The following SLC25A40 variants were observed in gnomAD, a reference collection of about 807,000 sequenced individuals.
SLC25A40 encodes solute carrier family 25 member 40, also known as mitochondrial glutathione transporter SLC25A40.
In SLC25A40, 41 loss-of-function variants were observed where a neutral mutation model predicts 46.5. That is an observed-to-expected ratio of 0.88 (90% CI 0.69 to 1.14). SLC25A40 has a LOEUF of 1.14. Ranked by LOEUF, SLC25A40 falls within the 50% of genes most tolerant of loss-of-function variation. The probability of loss-of-function intolerance (pLI) is 0.00; values close to 1 mark genes in which losing one functional copy is unlikely to be tolerated. For missense variants in SLC25A40, 386 were observed against 393.6 expected (o/e 0.98, Z 0.16); for synonymous variants, 126 against 127.5 (o/e 0.99, Z 0.08).
intron 1 of SLC25A40, among the ~76,000 whole-genome samples, chr7:87,863,224 C>G (rs1838735226): frequency 6.6e-6 from 1 of 152,082 alleles, no homozygotes; most frequent in Admixed American, 6.5e-5. Flanking sequence ...TCGGTTGTCT[C>G]CCCACCCAAA....
chr7:87,870,146 ATCT>A (rs1489882015), intron 1 of SLC25A40, among the ~76,000 whole-genome samples: 1 of 151,472 alleles, frequency 6.6e-6, no homozygotes, highest in African/African-American at 2.4e-5. Flanking sequence ...AAATTGGGTC[ATCT>A]TCTTATTGAG....
At chr7:87,843,909 G>A (rs1338618068) in intron 8 of SLC25A40, 46 bp from the exon 9 acceptor site, 1 of 1,483,438 alleles carries the variant, frequency 6.7e-7, no homozygotes, top group South Asian at 1.2e-5. Context: ...GAAATAAAAT[G>A]TGGACTTTAA....
chr7:87,875,669 T>C (rs543393413), intron 1 of SLC25A40, among the ~76,000 whole-genome samples: 1 of 152,234 alleles, frequency 6.6e-6, no homozygotes, highest in Non-Finnish European at 1.5e-5. Flanking sequence ...TACTTTCCAC[T>C]CCTTCATTGT....
chr7:87,841,343 T>C (rs566351781), intron 10 of SLC25A40, among the ~76,000 whole-genome samples: 5 of 151,750 alleles, frequency 3.3e-5, no homozygotes, highest in African/African-American at 1.2e-4. Flanking sequence ...GGAAAAAACA[T>C]CATAAAACAA....
At chr7:87,843,679 G>C in intron 9 of SLC25A40, 75 bp downstream of exon 9, 1 of 1,083,032 alleles carries the variant, frequency 9.2e-7, no homozygotes, top group Non-Finnish European at 1.4e-6. Flanking sequence ...CAATATACAT[G>C]AGATGCTATA....
chr7:87,863,826 C>T (rs1838744129), intron 1 of SLC25A40, among the ~76,000 whole-genome samples: 1 of 152,156 alleles, frequency 6.6e-6, no homozygotes, highest in African/African-American at 2.4e-5. Context: ...GAAAGTTGTA[C>T]TCATTCATCA....
chr7:87,857,212 G>A (rs374937219), intron 3 of SLC25A40, among the ~76,000 whole-genome samples: 3 of 152,120 alleles, frequency 2.0e-5, no homozygotes, highest in East Asian at 1.9e-4. Flanking sequence ...TAATTGTTAC[G>A]AACATAAATT....
chr7:87,859,594 C>T (rs1027668936), intron 2 of SLC25A40, among the ~76,000 whole-genome samples: 1 of 152,172 alleles, frequency 6.6e-6, no homozygotes, highest in Non-Finnish European at 1.5e-5. Context: ...ACTTATGTGT[C>T]CGTGTACATA....
chr7:87,854,368 C>T (rs1384568424), intron 4 of SLC25A40, 58 bp from the exon 5 acceptor site: 4 of 997,478 alleles, frequency 4.0e-6, no homozygotes, highest in Non-Finnish European at 6.0e-6. Context: ...ATTATTTTTA[C>T]AGATGAACAA....
Position 87,858,685 on chromosome 7 carries a change from G to A in SLC25A40, c.43C>T (p.Pro15Ser), listed in dbSNP as rs760288946. 21 of 1,612,824 alleles carry A rather than the reference G, an allele frequency of 1.3e-5. No homozygotes were observed. In the South Asian group the frequency reaches 2.3e-4, roughly 18 times the overall value. ...CATGAGGCAAGCATTTGTTGAAGAGGTGTCACTTTGATAATCTCTTGTCCC... is the reference window on the plus strand; with the variant it reads ...CATGAGGCAAGCATTTGTTGAAGAGATGTCACTTTGATAATCTCTTGTCCC... ...TRGQEIIKVT[P>S]LQQMLASCTG... Residue 15 changes from proline (P) to serine (S), a missense_variant, in exon 3 of 12, where the codon CCT (proline) becomes TCT (serine). Coordinates refer to ENST00000341119, the MANE Select transcript of SLC25A40 (RefSeq NM_018843.4).
chr7:87,865,052 T>C (rs755806898), intron 1 of SLC25A40, among the ~76,000 whole-genome samples: 8 of 151,636 alleles, frequency 5.3e-5, no homozygotes, highest in African/African-American at 1.7e-4. Context: ...TCACAGCTAA[T>C]TGCAACCTCA....
At chr7:87,858,798 A>T in intron 2 of SLC25A40, 47 bp from the exon 3 acceptor site, 1 of 1,045,936 alleles carries the variant, frequency 9.6e-7, no homozygotes, top group Non-Finnish European at 1.5e-6. Context: ...CTGATCTTTC[A>T]AAAATGATAA....
At chr7:87,866,720 T>C (rs1838806799) in intron 1 of SLC25A40, among the ~76,000 whole-genome samples, 1 of 152,176 alleles carries the variant, frequency 6.6e-6, no homozygotes, top group Admixed American at 6.5e-5. Flanking sequence ...ACATCTTGGC[T>C]CCTCCTGAAA....
At chr7:87,859,019 C>G (rs1035097586) in intron 2 of SLC25A40, among the ~76,000 whole-genome samples, 14 of 151,950 alleles carry the variant, frequency 9.2e-5, no homozygotes, top group Non-Finnish European at 1.8e-4. Context: ...AGTTGTTGTA[C>G]AGATGTAAAA....
At chr7:87,867,657 C>T (rs890424454) in intron 1 of SLC25A40, among the ~76,000 whole-genome samples, 2 of 152,052 alleles carry the variant, frequency 1.3e-5, no homozygotes, top group African/African-American at 2.4e-5. Flanking sequence ...AGATTTATGT[C>T]CATATCTTTG....
chr7:87,849,093 G>C (rs952924574), intron 6 of SLC25A40, among the ~76,000 whole-genome samples: 5 of 152,056 alleles, frequency 3.3e-5, no homozygotes, highest in African/African-American at 1.2e-4. Flanking sequence ...GAATTACCTG[G>C]AGAAAGGAAA....
chr7:87,872,581 G>A (rs935531159), intron 1 of SLC25A40, among the ~76,000 whole-genome samples: 22 of 152,102 alleles, frequency 1.4e-4, no homozygotes, highest in African/African-American at 3.9e-4. Flanking sequence ...GAAATTCCTC[G>A]GTTTGATAAG....
intron 1 of SLC25A40, among the ~76,000 whole-genome samples, chr7:87,865,551 A>G (rs1050420124): frequency 1.3e-5 from 2 of 152,162 alleles, no homozygotes; most frequent in Non-Finnish European, 2.9e-5. Flanking sequence ...CAGGCGGATC[A>G]CTTAAGGCCA....
intron 10 of SLC25A40, among the ~76,000 whole-genome samples, chr7:87,838,695 TTAA>T (rs982813025): frequency 6.6e-6 from 1 of 151,486 alleles, no homozygotes; most frequent in African/African-American, 2.4e-5. Context: ...ATGCATTTGT[TTAA>T]TGTTTACCTC....
Sources: gnomAD v4.1 joint callset for allele counts (sites outside exome capture counted in the v4.1 genomes callset) on GRCh38, gnomAD v4.1.1 for gene constraint, MANE v1.5 for transcripts, NCBI Gene and HGNC (gene_info 2026-07-23, HGNC 2026-07-21) for gene names.